Variants in WDPCP observed in about 807,000 individuals in gnomAD.
The protein encoded by WDPCP is WD repeat containing planar cell polarity effector.
In WDPCP, 71 loss-of-function variants were observed where a neutral mutation model predicts 93.1. The ratio of observed to expected loss-of-function variants is 0.76; its 90% CI spans 0.63 to 0.93. The LOEUF (loss-of-function observed/expected upper bound fraction) is 0.93. WDPCP is among the 40% of genes least tolerant of loss of function. The probability of loss-of-function intolerance (pLI) is 0.00; values close to 1 mark genes in which losing one functional copy is unlikely to be tolerated. For missense variants in WDPCP, 844 were observed against 887.4 expected, an observed-to-expected ratio of 0.95 and a Z score of 0.62; for synonymous variants, 315 against 315.0, an observed-to-expected ratio of 1.00 and a Z score of 0.00.
chr2:63,707,035 C>T (rs927474555), intron 2 of WDPCP, among the ~76,000 whole-genome samples: 7 of 148,402 alleles, frequency 4.7e-5, no homozygotes, highest in African/African-American at 1.5e-4. Context: ...GGTAACCCGA[C>T]CTTTCTTTCT....
At position 63,668,089 on chromosome 2, in the gene WDPCP, T is replaced by A. The variant is rs546443382; in HGVS notation, n.309-17251A>T. 2.6e-5 allele frequency among the ~76,000 whole-genome samples: 4 copies of A among 152,246 alleles called. 1 individual carries two copies. The highest frequency in any genetic ancestry group is 9.6e-5 in the African/African-American group (4 of 41,540). On this transcript the variant is annotated intron_variant and non_coding_transcript_variant, in intron 2 of 4. Transcript: ENST00000467687. The stretch of plus-strand genomic sequence containing the variant: ...TGATTAACAAAAGCCTTTTAAAGGG[T>A]TTTGGTGAGTGGAATGGCAACAGAT...
At chr2:63,661,813 G>A (rs1451789649) in intron 2 of WDPCP, among the ~76,000 whole-genome samples, 3 of 152,130 alleles carry the variant, frequency 2.0e-5, no homozygotes, top group Non-Finnish European at 2.9e-5. Context: ...CATCACCAAG[G>A]CTATCTTAAT....
chr2:63,682,508 A>C (rs1253208957), intron 2 of WDPCP, among the ~76,000 whole-genome samples: 2 of 152,172 alleles, frequency 1.3e-5, no homozygotes, highest in Non-Finnish European at 2.9e-5. Context: ...AGAAAAAAGA[A>C]TAAAAAACAA....
Position 63,646,010 on chromosome 2 carries a change from A to G in WDPCP, n.488+4649T>C, listed in dbSNP as rs146607446. Among the ~76,000 whole-genome samples the G allele has an allele frequency of 1.8e-4, 28 of 152,234 alleles. No individual in the cohort carries two copies. In the East Asian group the frequency reaches 4.8e-3, roughly 26 times the overall value. ...TAGTTCATTTACATTCATTGTTATT[A>G]CTGATAAGAACTTACTCCTACCATT... On this transcript the variant is annotated intron_variant and non_coding_transcript_variant, in intron 3 of 4. Coordinates refer to the WDPCP transcript ENST00000467687.
the WDPCP span, among the ~76,000 whole-genome samples, chr2:63,839,656 G>A: frequency 6.6e-6 from 1 of 152,188 alleles, no homozygotes; most frequent in African/African-American, 2.4e-5. Flanking sequence ...AAATCTTTCG[G>A]TAGTATTTTA....
At chr2:63,341,161 C>T (rs952980066) in intron 12 of WDPCP, among the ~76,000 whole-genome samples, 1 of 152,204 alleles carries the variant, frequency 6.6e-6, no homozygotes, top group African/African-American at 2.4e-5. Context: ...CAGAGTCTCA[C>T]TCTGTTGCCC....
At chr2:63,284,363 T>C (rs1249370960) in intron 13 of WDPCP, among the ~76,000 whole-genome samples, 1 of 152,240 alleles carries the variant, frequency 6.6e-6, no homozygotes, top group Non-Finnish European at 1.5e-5. Flanking sequence ...TGCATGGTTT[T>C]ATTTTTCCTT....
chr2:63,169,898 C>T (rs1574786504), intron 15 of WDPCP, among the ~76,000 whole-genome samples: 3 of 142,876 alleles, frequency 2.1e-5, no homozygotes, highest in African/African-American at 5.1e-5. Flanking sequence ...TTTCAGTGGA[C>T]TTTTTTTTTT....
At chr2:63,243,159 T>C (rs191388417) in intron 14 of WDPCP, among the ~76,000 whole-genome samples, 1 of 152,262 alleles carries the variant, frequency 6.6e-6, no homozygotes, top group African/African-American at 2.4e-5. Flanking sequence ...AATGACACAA[T>C]ATAAAAATAC....
chr2:63,492,763 G>T, intron 2 of WDPCP, 93 bp downstream of exon 2: 1 of 1,147,772 alleles, frequency 8.7e-7, no homozygotes, highest in Non-Finnish European at 1.3e-6. Flanking sequence ...TGCAACTCCA[G>T]CTGGAGAATT....
intron 3 of WDPCP, 54 bp from the exon 4 acceptor site, chr2:63,486,640 T>G (rs894258308): frequency 6.3e-6 from 9 of 1,427,816 alleles, no homozygotes; most frequent in Non-Finnish European, 8.7e-6. Flanking sequence ...GAATTTATTT[T>G]TATTATAATG....
intron 1 of WDPCP, among the ~76,000 whole-genome samples, chr2:63,568,356 A>C (rs11125976): frequency 0.14 from 1,418 of 10,008 alleles, 11 homozygotes; most frequent in East Asian, 0.5. Flanking sequence ...AAAAAAAAAC[A>C]AAAAAAAACC....
intron 1 of WDPCP, among the ~76,000 whole-genome samples, chr2:63,559,544 T>A (rs1012109577): frequency 1.3e-5 from 2 of 152,100 alleles, no homozygotes; most frequent in Non-Finnish European, 2.9e-5. Flanking sequence ...AGCCCAAAAG[T>A]GTCTTAGGCT....
chr2:63,236,576 G>A (rs1679413512), intron 14 of WDPCP, among the ~76,000 whole-genome samples: 2 of 151,982 alleles, frequency 1.3e-5, no homozygotes, highest in African/African-American at 2.4e-5. Flanking sequence ...GACTTCAAAC[G>A]ACATTACAAG....
intron 3 of WDPCP, among the ~76,000 whole-genome samples, chr2:63,645,160 G>T (rs1383392169): frequency 1.3e-5 from 2 of 151,930 alleles, no homozygotes; most frequent in Non-Finnish European, 2.9e-5. Flanking sequence ...TTCCCTCTTA[G>T]TAATGCTTTT....
intron 1 of WDPCP, among the ~76,000 whole-genome samples, chr2:63,511,055 C>T (rs980621788): frequency 6.6e-6 from 1 of 152,188 alleles, no homozygotes; most frequent in Non-Finnish European, 1.5e-5. Flanking sequence ...AGCAAAGTCT[C>T]AGGATACAAA....
intron 10 of WDPCP, among the ~76,000 whole-genome samples, chr2:63,392,838 T>TA (rs1693389565): frequency 6.6e-6 from 1 of 152,194 alleles, no homozygotes; most frequent in Admixed American, 6.5e-5. Context: ...CACAATGAGA[T>TA]ACCATCTCAC....
chr2:63,607,498 T>C (rs901479907), intron 3 of WDPCP, among the ~76,000 whole-genome samples: 1 of 151,418 alleles, frequency 6.6e-6, no homozygotes, highest in Admixed American at 6.6e-5. Flanking sequence ...ATTGCGCCAC[T>C]GCACTCCAGC....
intron 3 of WDPCP, among the ~76,000 whole-genome samples, chr2:63,604,072 A>G (rs529270072): frequency 9.9e-5 from 15 of 152,188 alleles, no homozygotes; most frequent in Non-Finnish European, 1.9e-4. Flanking sequence ...CATATGTTAT[A>G]ATTTTAGAGT....
Sources: allele counts gnomAD v4.1 joint callset (sites outside exome capture counted in the v4.1 genomes callset), GRCh38; gene constraint gnomAD v4.1.1; transcripts MANE v1.5; gene names NCBI Gene and HGNC (gene_info 2026-07-23, HGNC 2026-07-21).